AFG1L: variants seen among roughly 807,000 people sequenced by gnomAD.
The protein encoded by AFG1L is AFG1-like ATPase.
Under a neutral mutation model 62.2 loss-of-function variants are expected in AFG1L, and 53 were observed. The observed-to-expected ratio is 0.85, with a 90% CI of 0.68 to 1.07. The LOEUF (loss-of-function observed/expected upper bound fraction) is 1.07, where lower values mean the gene tolerates loss of function less well. AFG1L is among the 50% of genes least tolerant of loss of function. The pLI is 0.00. For missense variants in AFG1L, 555 were observed against 590.5 expected (o/e 0.94, Z 0.62); for synonymous variants, 228 against 210.3 (o/e 1.08, Z -0.73).
chr6:108,399,194 T>G (rs59649261), intron 6 of AFG1L, among the ~76,000 whole-genome samples: 2,854 of 128,240 alleles, frequency 0.022, 29 homozygotes, highest in South Asian at 0.081. Context: ...TTTTTTTTTT[T>G]TTTTTTTTTT....
At chr6:108,345,748 T>G (rs1033022120) in intron 2 of AFG1L, among the ~76,000 whole-genome samples, 35 of 152,184 alleles carry the variant, frequency 2.3e-4, no homozygotes, top group Admixed American at 2.3e-3. Context: ...TGTTGGAAGT[T>G]TTTTCCAAAT....
chr6:108,516,137 C>T (rs1379903843), intron 11 of AFG1L, among the ~76,000 whole-genome samples: 3 of 152,312 alleles, frequency 2.0e-5, no homozygotes, highest in South Asian at 2.1e-4. Flanking sequence ...GGGAATCCTC[C>T]CTAACTCATT....
In AFG1L at chr6:108,510,332, G is replaced by A. The variant is rs148036980; in HGVS notation, c.1183G>A (p.Asp395Asn). The A allele has an allele frequency of 1.3e-5, 21 of 1,609,746 alleles. No homozygotes were observed. Among genetic ancestry groups the A allele is most frequent in the African/African-American group, 2.7e-5 (2 of 74,698 alleles). The change falls in exon 11 of 13, where the codon GAT becomes AAT. Residue 395 changes from aspartate (D) to asparagine (N), a missense_variant. Asp to Asn is a conservative substitution (Grantham distance 23). Coordinates refer to ENST00000368977, the MANE Select transcript of AFG1L (RefSeq NM_145315.5). Reference protein sequence around the residue: ...TQGRRFITLIDNFYDLKVRII... With the variant: ...TQGRRFITLINNFYDLKVRII... ...AGGTCGAAGATTCATAACTCTCATC[G>A]ATAACTTTTATGATCTCAAGGTAAG...
intron 6 of AFG1L, among the ~76,000 whole-genome samples, chr6:108,385,338 C>G (rs1780715944): frequency 6.6e-6 from 1 of 152,252 alleles, no homozygotes; most frequent in South Asian, 2.1e-4. Flanking sequence ...CAAGGAACAC[C>G]TGGCCCACCC....
intron 2 of AFG1L, among the ~76,000 whole-genome samples, chr6:108,325,830 A>AAGTGC (rs919096723): frequency 1.1e-4 from 17 of 148,358 alleles, no homozygotes; most frequent in African/African-American, 3.3e-4. Flanking sequence ...TCCCGGGCTG[A>AAGTGC]AGTGCAGTAG....
intron 6 of AFG1L, among the ~76,000 whole-genome samples, chr6:108,387,131 A>G (rs553408212): frequency 3.9e-5 from 6 of 152,386 alleles, no homozygotes; most frequent in Admixed American, 2.0e-4. Flanking sequence ...ATTGTATGCA[A>G]AAAGATATAG....
At chr6:108,454,255 C>T (rs1772168190) in intron 8 of AFG1L, among the ~76,000 whole-genome samples, 1 of 152,150 alleles carries the variant, frequency 6.6e-6, no homozygotes, top group South Asian at 2.1e-4. Context: ...GGAAAAATAC[C>T]ACACAGTTTA....
At chr6:108,390,822 T>C (rs1781023592) in intron 6 of AFG1L, among the ~76,000 whole-genome samples, 1 of 152,208 alleles carries the variant, frequency 6.6e-6, no homozygotes, top group African/African-American at 2.4e-5. Context: ...AGGGACCTAC[T>C]TGAGGAGGCA....
intron 6 of AFG1L, among the ~76,000 whole-genome samples, chr6:108,401,184 G>A (rs1040670791): frequency 7.0e-6 from 1 of 142,232 alleles, no homozygotes; most frequent in Admixed American, 7.4e-5. Flanking sequence ...CGCCCAGGCC[G>A]GACTGCGGAC....
intron 8 of AFG1L, among the ~76,000 whole-genome samples, chr6:108,449,503 A>C (rs1216169308): frequency 6.6e-6 from 1 of 152,168 alleles, no homozygotes; most frequent in East Asian, 1.9e-4. Context: ...ATTGTTTCAC[A>C]TGAGGACTTG....
intron 4 of AFG1L, among the ~76,000 whole-genome samples, chr6:108,356,077 C>T (rs1336937103): frequency 6.6e-6 from 1 of 152,210 alleles, no homozygotes; most frequent in African/African-American, 2.4e-5. Flanking sequence ...GCCCTTTACT[C>T]TGTGTTACCT....
intron 10 of AFG1L, among the ~76,000 whole-genome samples, chr6:108,492,975 T>G (rs1773830178): frequency 6.6e-6 from 1 of 152,136 alleles, no homozygotes; most frequent in African/African-American, 2.4e-5. Context: ...GACATACATT[T>G]GTAACGGCAT....
At chr6:108,435,920 A>C (rs1251732156) in intron 7 of AFG1L, among the ~76,000 whole-genome samples, 1 of 152,172 alleles carries the variant, frequency 6.6e-6, no homozygotes, top group Non-Finnish European at 1.5e-5. Flanking sequence ...GTTAATAAAT[A>C]TTTACTGAGC....
intron 7 of AFG1L, among the ~76,000 whole-genome samples, chr6:108,435,867 G>A (rs1025243754): frequency 1.3e-5 from 2 of 152,142 alleles, no homozygotes. Context: ...ATACTAACTT[G>A]CACTAGAGCT....
chr6:108,429,535 G>A (rs1770976459), intron 7 of AFG1L, among the ~76,000 whole-genome samples: 1 of 152,086 alleles, frequency 6.6e-6, no homozygotes, highest in Non-Finnish European at 1.5e-5. Flanking sequence ...ATTTGGGTGG[G>A]GACACAGCCA....
intron 2 of AFG1L, among the ~76,000 whole-genome samples, chr6:108,346,012 G>C (rs932169324): frequency 6.6e-6 from 1 of 152,152 alleles, no homozygotes; most frequent in African/African-American, 2.4e-5. Context: ...GAAAGAAGAA[G>C]GGAAAGACTA....
In AFG1L at chr6:108,295,341, G is replaced by A. The variant is rs867762002; in HGVS notation, c.139+123G>A. Reference sequence around the variant, plus strand: ...GCTTTCACGAAGCTGAGGGCTCCTCGAGAGGAGTTTCCATTTCTCTTGACC... The same window carrying A: ...GCTTTCACGAAGCTGAGGGCTCCTCAAGAGGAGTTTCCATTTCTCTTGACC... On this transcript the variant is annotated intron_variant, in intron 1 of 12. Transcript: ENST00000368977. The A allele has an allele frequency of 8.9e-5, 99 of 1,116,806 alleles. No individual in the cohort carries two copies. The Middle Eastern group carries it at 2.7e-3, about 30-fold the overall frequency. The allele number at this position is 1,116,806 out of a possible 1,614,324, so 69.2% of individuals were successfully genotyped here.
chr6:108,451,660 G>A (rs1378405320), intron 8 of AFG1L, among the ~76,000 whole-genome samples: 3 of 152,072 alleles, frequency 2.0e-5, no homozygotes, highest in African/African-American at 7.2e-5. Context: ...TTTTTATTCT[G>A]TACTAAATGC....
At chr6:108,449,095 C>T (rs918329696) in intron 8 of AFG1L, among the ~76,000 whole-genome samples, 1 of 151,422 alleles carries the variant, frequency 6.6e-6, no homozygotes, top group Non-Finnish European at 1.5e-5. Flanking sequence ...CTGCAGTAAG[C>T]TGTGATCATA....
Sources: gnomAD v4.1 joint callset for allele counts (sites outside exome capture counted in the v4.1 genomes callset) on GRCh38, gnomAD v4.1.1 for gene constraint, MANE v1.5 for transcripts, NCBI Gene and HGNC (gene_info 2026-07-23, HGNC 2026-07-21) for gene names.